DNAJB4: variants seen among roughly 807,000 people sequenced by gnomAD.
DNAJB4 encodes the protein dnaJ homolog subfamily B member 4.
In DNAJB4, 10 loss-of-function variants were observed where a neutral mutation model predicts 26.6. The observed-to-expected ratio is 0.38, with a 90% CI of 0.23 to 0.64. The LOEUF (loss-of-function observed/expected upper bound fraction) is 0.64, where lower values mean the gene tolerates loss of function less well. DNAJB4 is among the 30% of genes least tolerant of loss of function. The pLI is 0.58. For synonymous variants in DNAJB4, 136 were observed against 134.8 expected, an observed-to-expected ratio of 1.01 and a Z score of -0.06; for missense variants, 328 against 408.2, an observed-to-expected ratio of 0.80 and a Z score of 1.69.
chr1:77,995,961 A>T (rs1660051394), intron 1 of DNAJB4, among the ~76,000 whole-genome samples: 1 of 152,034 alleles, frequency 6.6e-6, no homozygotes, highest in Non-Finnish European at 1.5e-5. Flanking sequence ...ACAAAACAAA[A>T]CAAAAAAAGA....
In DNAJB4 at chr1:78,017,106, C is replaced by T. The variant is rs1383274539; in HGVS notation, c.*859C>T. The T allele has an allele frequency of 6.6e-6, 1 of 151,922 alleles. No individual in the cohort carries two copies. The highest frequency in any genetic ancestry group is 1.5e-5 in the Non-Finnish European group (1 of 67,896). 9.4% of individuals were successfully genotyped at this position (151,922 alleles called of 1,614,324 possible). On this transcript the variant is annotated 3_prime_UTR_variant, in exon 3 of 3. Coordinates refer to ENST00000370763, the MANE Select transcript of DNAJB4 (RefSeq NM_007034.5). The stretch of plus-strand genomic sequence containing the variant: ...TCTTCTATAACTTACTAATAATATT[C>T]TATATGTACTTTATGTAATTTCCCT...
At chr1:78,005,485 G>C (rs1474032748) in intron 1 of DNAJB4, among the ~76,000 whole-genome samples, 164 bp downstream of exon 1, 1 of 151,772 alleles carries the variant, frequency 6.6e-6, no homozygotes, top group Non-Finnish European at 1.5e-5. Context: ...TAATAACAAG[G>C]TTTCATCTCT....
intron 2 of DNAJB4, 60 bp downstream of exon 2, chr1:78,013,679 T>TCAA: frequency 1.6e-6 from 2 of 1,285,758 alleles, no homozygotes; most frequent in Non-Finnish European, 2.1e-6. Flanking sequence ...TCATAGGGAG[T>TCAA]GTATCTAGAT....
chr1:77,983,856 GAC>G (rs1207163597), intron 1 of DNAJB4, among the ~76,000 whole-genome samples: 1 of 152,170 alleles, frequency 6.6e-6, no homozygotes, highest in African/African-American at 2.4e-5. Context: ...CTAAAGTGCA[GAC>G]ACACTTGAGA....
At chr1:78,008,443 T>G (rs1382873184) in intron 1 of DNAJB4, among the ~76,000 whole-genome samples, 1 of 152,182 alleles carries the variant, frequency 6.6e-6, no homozygotes, top group African/African-American at 2.4e-5. Context: ...GCTACACCAT[T>G]GATGAACCTC....
At chr1:78,009,139 A>C (rs1660404397) in intron 1 of DNAJB4, among the ~76,000 whole-genome samples, 1 of 152,170 alleles carries the variant, frequency 6.6e-6, no homozygotes, top group Admixed American at 6.5e-5. Flanking sequence ...TTCTAAAAAC[A>C]TGTAAGTAAA....
intron 1 of DNAJB4, among the ~76,000 whole-genome samples, chr1:78,006,302 A>G (rs181887700): frequency 6.6e-6 from 1 of 152,314 alleles, no homozygotes; most frequent in East Asian, 1.9e-4. Context: ...TTGCTAATTG[A>G]TAACACAAAA....
Position 78,013,632 on chromosome 1 carries a change from G to A in DNAJB4, c.780+13G>A. The A allele has an allele frequency of 6.5e-7, 1 of 1,547,440 alleles. No individual in the cohort carries two copies. The highest frequency in any genetic ancestry group is 8.7e-7 in the Non-Finnish European group (1 of 1,154,228). Reference sequence around the variant, plus strand: ...TAGTTTACGAGAGGTAAGTTGGTAGGACCTAAAATCCTAAGACCAAATAAT... The same window carrying A: ...TAGTTTACGAGAGGTAAGTTGGTAGAACCTAAAATCCTAAGACCAAATAAT... On this transcript the variant is annotated intron_variant, in intron 2 of 2. Coordinates refer to ENST00000370763, the MANE Select transcript of DNAJB4 (RefSeq NM_007034.5).
intron 1 of DNAJB4, among the ~76,000 whole-genome samples, chr1:78,011,258 C>T (rs1285498350): frequency 6.6e-6 from 1 of 152,044 alleles, no homozygotes; most frequent in Non-Finnish European, 1.5e-5. Context: ...GTGGACTGTT[C>T]ACAAGAGACA....
chr1:77,992,129 T>C, intron 1 of DNAJB4, among the ~76,000 whole-genome samples: 2 of 152,100 alleles, frequency 1.3e-5, no homozygotes, highest in Non-Finnish European at 2.9e-5. Context: ...ACATAACAAA[T>C]GAGGCCGGGC....
upstream of DNAJB4, among the ~76,000 whole-genome samples, chr1:78,002,897 G>A (rs903953734): frequency 2.0e-5 from 3 of 151,966 alleles, no homozygotes; most frequent in African/African-American, 4.8e-5. Context: ...ATTTCTTTCC[G>A]TCTGTTAATA....
At position 77,990,274 on chromosome 1, in the gene DNAJB4, A is replaced by G. The variant is rs1659900174; in HGVS notation, c.-32+9952A>G. ...TTGATGTGCCCCTTAAATGCTGGTC[A>G]TCCCAAAGTTCTGTCTTTGATTCTT... On this transcript the variant is annotated intron_variant, in intron 1 of 2. Coordinates refer to the DNAJB4 transcript ENST00000426517. 1.3e-5 allele frequency among the ~76,000 whole-genome samples: 2 copies of G among 152,164 alleles called. 1 individual carries two copies. Among genetic ancestry groups the G allele is most frequent in the South Asian group, 4.1e-4 (2 of 4,826 alleles).
intron 1 of DNAJB4, among the ~76,000 whole-genome samples, chr1:77,986,861 T>A (rs1353351186): frequency 6.6e-6 from 1 of 152,186 alleles, no homozygotes; most frequent in Non-Finnish European, 1.5e-5. Context: ...TACCCATGTT[T>A]TTTTCATCTT....
upstream of DNAJB4, among the ~76,000 whole-genome samples, chr1:78,001,569 G>T (rs966813436): frequency 6.6e-6 from 1 of 152,102 alleles, no homozygotes; most frequent in Non-Finnish European, 1.5e-5. Flanking sequence ...GTTGGAAAAA[G>T]AAAACTTGTT....
chr1:77,988,015 A>ATGTG (rs1217967124), intron 1 of DNAJB4, among the ~76,000 whole-genome samples: 3 of 145,012 alleles, frequency 2.1e-5, no homozygotes, highest in Non-Finnish European at 4.5e-5. Flanking sequence ...TTATATATAT[A>ATGTG]TGTGTGTGTG....
chr1:77,982,864 A>G (rs1228343585), intron 1 of DNAJB4, among the ~76,000 whole-genome samples: 3 of 152,196 alleles, frequency 2.0e-5, no homozygotes, highest in African/African-American at 7.2e-5. Context: ...TAATTGGACT[A>G]TATGTGAATC....
chr1:78,005,349 CT>C, intron 1 of DNAJB4, 28 bp downstream of exon 1: 1 of 1,517,282 alleles, frequency 6.6e-7, no homozygotes, highest in South Asian at 1.3e-5. Context: ...ATCTTTCTGT[CT>C]CTTCAGCTCT....
intron 1 of DNAJB4, among the ~76,000 whole-genome samples, chr1:77,996,025 C>T (rs1660053174): frequency 6.6e-6 from 1 of 152,192 alleles, no homozygotes; most frequent in Non-Finnish European, 1.5e-5. Context: ...GCCATACATT[C>T]ACTAGTCATT....
chr1:77,994,995 G>A (rs993718430), intron 1 of DNAJB4, among the ~76,000 whole-genome samples: 48 of 152,032 alleles, frequency 3.2e-4, no homozygotes, highest in African/African-American at 1.2e-3. Flanking sequence ...TTATAGTACT[G>A]CCGACTAGAA....
Sources: gnomAD v4.1 joint callset for allele counts (sites outside exome capture counted in the v4.1 genomes callset) on GRCh38, gnomAD v4.1.1 for gene constraint, MANE v1.5 for transcripts, NCBI Gene and HGNC (gene_info 2026-07-23, HGNC 2026-07-21) for gene names.